WDR41: variants seen among roughly 807,000 people sequenced by gnomAD.
WDR41 encodes WD repeat domain 41.
Under a neutral mutation model 69.3 loss-of-function variants are expected in WDR41, and 63 were observed. The observed-to-expected ratio is 0.91, with a 90% CI of 0.74 to 1.12. The LOEUF is 1.12. WDR41 is among the 50% of genes most tolerant of loss of function. The pLI, the probability that WDR41 is intolerant of heterozygous loss-of-function variation, is 0.00. For synonymous variants in WDR41, 185 were observed against 192.1 expected (o/e 0.96, Z 0.31); for missense variants, 543 against 534.5 (o/e 1.02, Z -0.16).
At chr5:77,434,688 T>C (rs1257844970) in intron 12 of WDR41, among the ~76,000 whole-genome samples, 1 of 151,834 alleles carries the variant, frequency 6.6e-6, no homozygotes, top group Non-Finnish European at 1.5e-5. Context: ...CAGAGTGAGA[T>C]GCTGTCTCAA....
At chr5:77,514,086 T>C (rs1446097300) in intron 1 of WDR41, among the ~76,000 whole-genome samples, 2 of 152,216 alleles carry the variant, frequency 1.3e-5, no homozygotes, top group Middle Eastern at 3.2e-3. Flanking sequence ...AAAATGTTTT[T>C]CATACAAGTA....
intron 1 of WDR41, chr5:77,583,049 C>T: frequency 6.3e-7 from 1 of 1,596,756 alleles, no homozygotes; most frequent in Non-Finnish European, 8.5e-7. Context: ...AAAAAGACCA[C>T]CCATTTTGTA....
chr5:77,530,913 A>G (rs973270303), intron 1 of WDR41, among the ~76,000 whole-genome samples: 1 of 151,824 alleles, frequency 6.6e-6, no homozygotes, highest in African/African-American at 2.4e-5. Context: ...GTTAAATGTT[A>G]ATGGTACAAG....
chr5:77,613,122 C>G (rs1744597817), intron 1 of WDR41, among the ~76,000 whole-genome samples: 1 of 151,622 alleles, frequency 6.6e-6, no homozygotes, highest in Non-Finnish European at 1.5e-5. Flanking sequence ...GAACTACAAA[C>G]CACTGCTCAA....
At chr5:77,474,998 AC>A (rs1255368691) in intron 2 of WDR41, among the ~76,000 whole-genome samples, 3 of 152,164 alleles carry the variant, frequency 2.0e-5, no homozygotes, top group Non-Finnish European at 4.4e-5. Context: ...GCATTGCCTC[AC>A]TCGGGAAGCT....
intron 1 of WDR41, among the ~76,000 whole-genome samples, chr5:77,565,621 C>T (rs1743611034): frequency 6.6e-6 from 1 of 152,130 alleles, no homozygotes; most frequent in East Asian, 1.9e-4. Flanking sequence ...AGGGAAAAGA[C>T]TCAAAGATTC....
Position 77,492,253 on chromosome 5 carries a change from C to T in WDR41, c.-33G>A. 6.2e-7 allele frequency: 1 copy of T among 1,610,698 alleles called. No homozygotes were observed. The highest frequency in any genetic ancestry group is 8.5e-7 in the Non-Finnish European group (1 of 1,178,972). On this transcript the variant is annotated 5_prime_UTR_variant, in exon 1 of 13. Transcript: ENST00000296679. ...GCGGCGGCGTCTTGCCCGGTCCAGC[C>T]CCAGTCAGCCCAAACTCCGCCCCAG...
At chr5:77,606,428 A>G (rs1744419585) in intron 1 of WDR41, among the ~76,000 whole-genome samples, 1 of 152,236 alleles carries the variant, frequency 6.6e-6, no homozygotes, top group African/African-American at 2.4e-5. Context: ...TGCATTGAAC[A>G]CCATGCTAAA....
At chr5:77,530,969 C>G (rs4432863) in intron 1 of WDR41, among the ~76,000 whole-genome samples, 30,271 of 151,564 alleles carry the variant, frequency 0.2, 3,916 homozygotes, top group South Asian at 0.39. Context: ...AAAAAATGAA[C>G]TTGCACCCTT....
intron 1 of WDR41, among the ~76,000 whole-genome samples, chr5:77,538,449 C>A (rs1439073351): frequency 6.6e-6 from 1 of 152,162 alleles, no homozygotes; most frequent in East Asian, 1.9e-4. Context: ...CCCCTTGCCT[C>A]TCTTCTTCCC....
intron 11 of WDR41, among the ~76,000 whole-genome samples, chr5:77,436,934 C>A (rs769048603): frequency 2.2e-4 from 34 of 152,106 alleles, no homozygotes; most frequent in Non-Finnish European, 3.7e-4. Flanking sequence ...TATAAGCACA[C>A]AAGGAAAAGT....
chr5:77,492,626 T>G, upstream of WDR41: 3 of 198,268 alleles, frequency 1.5e-5, no homozygotes. Flanking sequence ...CGAAGAATAA[T>G]GCCCCTCCCT....
intron 2 of WDR41, 141 bp from the exon 3 acceptor site, chr5:77,464,950 T>C: frequency 1.2e-6 from 1 of 804,282 alleles, no homozygotes; most frequent in Middle Eastern, 2.6e-4. Context: ...AAAAAATATT[T>C]ATGAAACACA....
intron 9 of WDR41, among the ~76,000 whole-genome samples, chr5:77,439,167 C>A (rs189413024): frequency 1.3e-5 from 2 of 152,296 alleles, no homozygotes; most frequent in African/African-American, 4.8e-5. Context: ...TTTGCAAGCA[C>A]CTGTCCTAGA....
At chr5:77,571,906 A>G (rs967851613) in intron 1 of WDR41, among the ~76,000 whole-genome samples, 3 of 152,106 alleles carry the variant, frequency 2.0e-5, no homozygotes, top group Admixed American at 6.6e-5. Context: ...TGTTTTTCCA[A>G]TGGAAGAAAT....
At position 77,489,451 on chromosome 5, in the gene WDR41, T is replaced by G. The variant is rs1801668690; in HGVS notation, c.167+6A>C. ...AATAGTCAATTAGACCACTATAGCT[T>G]CTTACCTGTAGTCATCTAACTGTAC... On this transcript the variant is annotated splice_donor_region_variant and intron_variant, in intron 2 of 12. Coordinates refer to ENST00000296679, the MANE Select transcript of WDR41 (RefSeq NM_018268.4). The G allele has an allele frequency of 1.9e-5, 30 of 1,552,266 alleles. No homozygotes were observed. The highest frequency in any genetic ancestry group is 2.5e-5 in the Non-Finnish European group (29 of 1,140,058).
At chr5:77,548,904 T>A (rs1561221416) in intron 1 of WDR41, among the ~76,000 whole-genome samples, 1 of 151,748 alleles carries the variant, frequency 6.6e-6, no homozygotes, top group Non-Finnish European at 1.5e-5. Flanking sequence ...AATGAGTGGA[T>A]AAAAAAAACT....
intron 1 of WDR41, among the ~76,000 whole-genome samples, chr5:77,502,623 A>G (rs1226103675): frequency 6.6e-6 from 1 of 152,220 alleles, no homozygotes; most frequent in East Asian, 1.9e-4. Context: ...CCAGAGAGAA[A>G]GGTCCAGTTA....
At chr5:77,491,011 T>C (rs1050857997) in intron 1 of WDR41, among the ~76,000 whole-genome samples, 4 of 152,338 alleles carry the variant, frequency 2.6e-5, no homozygotes, top group Non-Finnish European at 4.4e-5. Flanking sequence ...ATTCTGTTCT[T>C]GTCAGGCCTC....
Sources: gnomAD v4.1 joint callset for allele counts (sites outside exome capture counted in the v4.1 genomes callset) on GRCh38, gnomAD v4.1.1 for gene constraint, MANE v1.5 for transcripts, NCBI Gene and HGNC (gene_info 2026-07-23, HGNC 2026-07-21) for gene names.